TOP3A: variants seen among roughly 807,000 people sequenced by gnomAD.
TOP3A encodes the protein DNA topoisomerase III alpha, also known as DNA topoisomerase 3-alpha.
Under a neutral mutation model 111.3 loss-of-function variants are expected in TOP3A, and 64 were observed. The ratio of observed to expected loss-of-function variants is 0.57; its 90% CI spans 0.47 to 0.71. TOP3A has a LOEUF of 0.71. Ranked by LOEUF, TOP3A falls within the 30% of genes least tolerant of loss-of-function variation. The pLI, the probability that TOP3A is intolerant of heterozygous loss-of-function variation, is 0.00. For missense variants in TOP3A, 1,104 were observed against 1,285.0 expected (o/e 0.86, Z 2.15); for synonymous variants, 484 against 485.1 (o/e 1.00, Z 0.03).
At chr17:18,305,836 T>TCAAAACAAAACAAAA (rs544348650) in intron 4 of TOP3A, among the ~76,000 whole-genome samples, 20 of 151,652 alleles carry the variant, frequency 1.3e-4, no homozygotes, top group Non-Finnish European at 2.1e-4. Context: ...AGACTCCATC[T>TCAAAACAAAACAAAA]CAAAACAAAA....
chr17:18,299,140 C>A (rs1285417080), intron 9 of TOP3A, among the ~76,000 whole-genome samples: 3 of 151,586 alleles, frequency 2.0e-5, no homozygotes, highest in Non-Finnish European at 4.4e-5. Flanking sequence ...ACAGGCCAAG[C>A]AGTGGTTGGG....
In TOP3A at chr17:18,285,473, T is replaced by G; in HGVS notation, c.1645A>C (p.Met549Leu). 1 of 1,614,048 alleles carries G rather than the reference T, an allele frequency of 6.2e-7. No individual in the cohort carries two copies. Among genetic ancestry groups the G allele is most frequent in the Non-Finnish European group, 8.5e-7 (1 of 1,180,010 alleles). ...TTGTCTGGGGTGAGGCCCACGTACA[T>G]CCGGGCTTTGATGGTCTCGATGTGC... ...AEHIETIKAR[M>L]YVGLTPDKRF... Residue 549 changes from methionine to leucine, a missense_variant, in exon 14 of 19, where the codon ATG becomes CTG. Coordinates refer to ENST00000321105, the MANE Select transcript of TOP3A (RefSeq NM_004618.5).
intron 13 of TOP3A, 49 bp from the exon 14 acceptor site, chr17:18,285,569 AC>A (rs1373817721): frequency 2.6e-6 from 4 of 1,560,998 alleles, no homozygotes; most frequent in Non-Finnish European, 2.6e-6. Context: ...CAACAGCTCC[AC>A]CCGGGTGGCG....
At chr17:18,282,188 C>A (rs1979802555) in intron 16 of TOP3A, among the ~76,000 whole-genome samples, 1 of 152,210 alleles carries the variant, frequency 6.6e-6, no homozygotes, top group African/African-American at 2.4e-5. Context: ...TAGGAGAGAA[C>A]AAAAGTAGTA....
intron 5 of TOP3A, chr17:18,303,062 T>A: frequency 4.7e-6 from 1 of 210,534 alleles, no homozygotes; most frequent in Non-Finnish European, 9.6e-6. Context: ...ATTGTTCTGC[T>A]TTGAGATGCT....
At chr17:18,295,778 T>G (rs1161075055) in intron 9 of TOP3A, among the ~76,000 whole-genome samples, 1 of 147,534 alleles carries the variant, frequency 6.8e-6, no homozygotes, top group African/African-American at 2.5e-5. Context: ...ACATTTTTTT[T>G]TTTTTTCACA....
intron 13 of TOP3A, 163 bp downstream of exon 13, chr17:18,290,394 C>A: frequency 1.3e-6 from 1 of 771,016 alleles, no homozygotes; most frequent in Admixed American, 3.7e-5. Flanking sequence ...ACTTTGTGAA[C>A]TTAGGTAAGT....
intron 1 of TOP3A, among the ~76,000 whole-genome samples, chr17:18,310,925 C>T (rs1981871151): frequency 6.6e-6 from 1 of 152,150 alleles, no homozygotes; most frequent in Admixed American, 6.5e-5. Flanking sequence ...TTTCAAGCCA[C>T]TAGGTTGTTC....
intron 9 of TOP3A, among the ~76,000 whole-genome samples, chr17:18,298,260 C>T (rs1426030840): frequency 2.7e-5 from 4 of 148,548 alleles, no homozygotes; most frequent in Admixed American, 6.7e-5. Context: ...GAAGCCCCTC[C>T]GCCCAGCAGC....
rs1197054240 is a variant in TOP3A at position 18,275,316 on chromosome 17, AG to A, written c.2828-337del. 1.1e-3 allele frequency among the ~76,000 whole-genome samples: 149 copies of A among 138,802 alleles called. 1 individual carries two copies. The highest frequency in any genetic ancestry group is 2.1e-3 in the Non-Finnish European group (136 of 63,446). 91.1% of individuals were successfully genotyped at this position (138,802 alleles called of 152,430 possible). ...CTCAAAAAAAAAAAAAAAAAAAAAAAGAGCAGCAGACGATAAGGCTGAACCA... is the reference window on the plus strand; with the variant it reads ...CTCAAAAAAAAAAAAAAAAAAAAAAAAGCAGCAGACGATAAGGCTGAACCA... On this transcript the variant is annotated intron_variant, in intron 18 of 18. Coordinates refer to ENST00000321105, the MANE Select transcript of TOP3A (RefSeq NM_004618.5).
In TOP3A at chr17:18,282,774, G is replaced by A; in HGVS notation, c.1945C>T (p.Pro649Ser). 6.2e-7 allele frequency: 1 copy of A among 1,614,194 alleles called. No individual in the cohort carries two copies. Among genetic ancestry groups the A allele is most frequent in the Non-Finnish European group, 8.5e-7 (1 of 1,180,044 alleles). Residue 649 changes from proline to serine, a missense_variant, in exon 16 of 19, where the codon CCA becomes TCA. Transcript: ENST00000321105. ...TTCCTGATGGGCTCTGGCATGGCTG[G>A]GTAGATATCTTCTTGCTGGGCCAAC... ...TELAQQEDIY[P>S]AMPEPIRKCP...
intron 18 of TOP3A, among the ~76,000 whole-genome samples, chr17:18,276,407 T>G (rs1035426083): frequency 1.3e-5 from 2 of 152,224 alleles, no homozygotes; most frequent in Non-Finnish European, 2.9e-5. Context: ...TGTGGGTCTC[T>G]CACTGCAATG....
In TOP3A at chr17:18,285,296, T is replaced by C. The variant is rs372121045; in HGVS notation, c.1723A>G (p.Met575Val). Residue 575 changes from methionine (M) to valine (V), a missense_variant, in exon 15 of 19, where the codon ATG (methionine) becomes GTG (valine). Coordinates refer to ENST00000321105, the MANE Select transcript of TOP3A (RefSeq NM_004618.5). ...GMGLVEGYDS[M>V]GYEMSKPDLR... is the part of the protein sequence containing the mutation. ...TCAGGCTTAGACATTTCATAGCCCA[T>C]GGAATCATAACCTGCAGGGAGAGAG... 6.0e-5 allele frequency: 97 copies of C among 1,613,988 alleles called. No homozygotes were observed. Among genetic ancestry groups the C allele is most frequent in the Non-Finnish European group, 7.8e-5 (92 of 1,180,030 alleles).
intron 1 of TOP3A, among the ~76,000 whole-genome samples, chr17:18,310,705 G>GT (rs1981858810): frequency 6.6e-6 from 1 of 152,048 alleles, no homozygotes; most frequent in African/African-American, 2.4e-5. Context: ...AATGATGATG[G>GT]TGGCACATTT....
chr17:18,282,214 C>T (rs553184018), intron 16 of TOP3A, among the ~76,000 whole-genome samples: 1 of 152,344 alleles, frequency 6.6e-6, no homozygotes, highest in East Asian at 1.9e-4. Flanking sequence ...TGAGTATCTA[C>T]AACACATCAG....
At chr17:18,275,067 C>T (rs1187854427) in intron 18 of TOP3A, 87 bp from the exon 19 acceptor site, 1 of 1,517,554 alleles carries the variant, frequency 6.6e-7, no homozygotes, top group East Asian at 2.3e-5. Context: ...GCCTGTAATC[C>T]CAGCACTTTA....
At chr17:18,276,733 A>G (rs1979394522) in intron 18 of TOP3A, among the ~76,000 whole-genome samples, 1 of 152,178 alleles carries the variant, frequency 6.6e-6, no homozygotes, top group South Asian at 2.1e-4. Flanking sequence ...TGTGCACTGG[A>G]GCAGGAGGAA....
intron 15 of TOP3A, among the ~76,000 whole-genome samples, chr17:18,284,507 A>C (rs188295452): frequency 1.3e-5 from 2 of 152,250 alleles, no homozygotes; most frequent in African/African-American, 2.4e-5. Context: ...GCCCTTGGCC[A>C]CTAGTCATCT....
At chr17:18,277,397 A>G (rs566630418) in intron 18 of TOP3A, among the ~76,000 whole-genome samples, 8 of 152,290 alleles carry the variant, frequency 5.3e-5, no homozygotes, top group African/African-American at 1.4e-4. Flanking sequence ...TGCTTACCCA[A>G]TGAGGATGGA....
Sources: gnomAD v4.1 joint callset for allele counts (sites outside exome capture counted in the v4.1 genomes callset) on GRCh38, gnomAD v4.1.1 for gene constraint, MANE v1.5 for transcripts, NCBI Gene and HGNC (gene_info 2026-07-23, HGNC 2026-07-21) for gene names.